NXPE2: variants seen among roughly 807,000 people sequenced by gnomAD.
NXPE2 encodes the protein NXPE family member 2.
Under a neutral mutation model 34.4 loss-of-function variants are expected in NXPE2, and 34 were observed. That is an observed-to-expected ratio of 0.99 (90% confidence interval 0.75 to 1.31). The LOEUF is 1.31. NXPE2 is among the 40% of genes most tolerant of loss of function. The probability of loss-of-function intolerance (pLI) is 0.00; values close to 1 mark genes in which losing one functional copy is unlikely to be tolerated. For missense variants in NXPE2, 649 were observed against 672.5 expected, an observed-to-expected ratio of 0.97 and a Z score of 0.39; for synonymous variants, 235 against 231.3, an observed-to-expected ratio of 1.02 and a Z score of -0.15.
chr11:114,478,631 A>G, the NXPE2 span, among the ~76,000 whole-genome samples: 1 of 152,202 alleles, frequency 6.6e-6, no homozygotes. Flanking sequence ...GTCTCCAAAT[A>G]TAATTTAACT....
chr11:114,627,917 C>A, the NXPE2 span, among the ~76,000 whole-genome samples: 5 of 151,766 alleles, frequency 3.3e-5, no homozygotes, highest in African/African-American at 1.2e-4. Flanking sequence ...TCAAAAGAGA[C>A]AAAGAAGGCC....
intron 2 of NXPE2, among the ~76,000 whole-genome samples, chr11:114,682,731 A>G (rs11215147): frequency 0.24 from 37,063 of 152,116 alleles, 4,676 homozygotes; most frequent in East Asian, 0.42. Context: ...AGTTACCAAA[A>G]GGCAAAAGAG....
chr11:114,508,904 A>G, the NXPE2 span, among the ~76,000 whole-genome samples: 3 of 152,216 alleles, frequency 2.0e-5, no homozygotes, highest in Non-Finnish European at 2.9e-5. Flanking sequence ...AATGGGATCT[A>G]ACTAAACTAA....
chr11:114,774,632 C>T, the NXPE2 span, among the ~76,000 whole-genome samples: 2 of 152,192 alleles, frequency 1.3e-5, no homozygotes, highest in East Asian at 3.9e-4. Flanking sequence ...CTGCGCATGC[C>T]GAGTGTTGTG....
chr11:114,786,872 A>T, the NXPE2 span, among the ~76,000 whole-genome samples: 2 of 152,096 alleles, frequency 1.3e-5, no homozygotes, highest in South Asian at 2.1e-4. Flanking sequence ...TGGTGCACAC[A>T]TACAGCCTCA....
At chr11:114,512,617 A>C in the NXPE2 span, 1 of 152,958 alleles carries the variant, frequency 6.5e-6, no homozygotes, top group Non-Finnish European at 1.5e-5. Context: ...TCGGGAGAAC[A>C]AGGCTGTGAC....
At chr11:114,743,120 G>A in the NXPE2 span, among the ~76,000 whole-genome samples, 3 of 152,106 alleles carry the variant, frequency 2.0e-5, no homozygotes, top group African/African-American at 7.2e-5. Context: ...TAGGCAACAG[G>A]CTTCATTTTC....
rs1951292489 is a variant in NXPE2, at chr11:114,698,091, T to C, written c.179T>C (p.Ile60Thr). ...CATATTATCCTGAACCAAGGGAACATCTTCAAAAAATATTCACACTCTGAA... is the reference window on the plus strand; with the variant it reads ...CATATTATCCTGAACCAAGGGAACACCTTCAAAAAATATTCACACTCTGAA... ...ENHIILNQGN[I>T]FKKYSHSETP... is the part of the protein sequence containing the mutation. The change falls in exon 3 of 6, where the codon ATC (isoleucine) becomes ACC (threonine). Residue 60 changes from isoleucine (I) to threonine (T), a missense_variant. Physicochemically the swap from Ile to Thr is moderately conservative, Grantham distance 89. Coordinates refer to ENST00000389586, the MANE Select transcript of NXPE2 (RefSeq NM_182495.6). The C allele has an allele frequency of 1.9e-6, 3 of 1,602,612 alleles. No homozygotes were observed. The highest frequency in any genetic ancestry group is 2.6e-6 in the Non-Finnish European group (3 of 1,173,698).
intron 3 of NXPE2, among the ~76,000 whole-genome samples, chr11:114,703,375 T>C (rs1951402669): frequency 6.6e-6 from 1 of 152,360 alleles, no homozygotes; most frequent in Admixed American, 6.5e-5. Context: ...CTCAAAGTAA[T>C]GTCCGTAGAC....
the NXPE2 span, among the ~76,000 whole-genome samples, chr11:114,803,583 TC>T: frequency 3.3e-5 from 4 of 122,752 alleles, no homozygotes; most frequent in Admixed American, 2.6e-4. Context: ...TCTCTCTCTC[TC>T]TTTTTTTTTT....
At chr11:114,637,896 A>T in the NXPE2 span, among the ~76,000 whole-genome samples, 1 of 151,666 alleles carries the variant, frequency 6.6e-6, no homozygotes, top group African/African-American at 2.4e-5. Context: ...TGCCCTTAAC[A>T]TTTTTTCCTT....
intron 3 of NXPE2, among the ~76,000 whole-genome samples, chr11:114,699,270 C>G (rs573748047): frequency 6.6e-6 from 1 of 152,168 alleles, no homozygotes; most frequent in African/African-American, 2.4e-5. Flanking sequence ...CTTGTATAAC[C>G]TGCCATCATA....
chr11:114,732,648 T>C, the NXPE2 span, among the ~76,000 whole-genome samples: 1 of 151,668 alleles, frequency 6.6e-6, no homozygotes, highest in African/African-American at 2.4e-5. Context: ...CCTTGGACTT[T>C]AAACAATTTT....
chr11:114,719,218 G>A, the NXPE2 span, among the ~76,000 whole-genome samples: 1 of 152,044 alleles, frequency 6.6e-6, no homozygotes, highest in Non-Finnish European at 1.5e-5. Flanking sequence ...AAATAATAAT[G>A]CCCCTCCACT....
At chr11:114,701,847 A>G (rs1951370930) in intron 3 of NXPE2, among the ~76,000 whole-genome samples, 1 of 152,334 alleles carries the variant, frequency 6.6e-6, no homozygotes, top group East Asian at 1.9e-4. Flanking sequence ...TATAATATTC[A>G]CAGGATGCAA....
At chr11:114,540,274 A>T in the NXPE2 span, among the ~76,000 whole-genome samples, 1 of 152,210 alleles carries the variant, frequency 6.6e-6, no homozygotes, top group African/African-American at 2.4e-5. Flanking sequence ...CAATTTGTTT[A>T]GGAGACTGGA....
At chr11:114,482,912 C>T in the NXPE2 span, among the ~76,000 whole-genome samples, 6 of 152,142 alleles carry the variant, frequency 3.9e-5, no homozygotes, top group East Asian at 1.2e-3. Context: ...TGTAATTTCT[C>T]ATCATTGGAT....
At chr11:114,620,688 ACT>A in the NXPE2 span, among the ~76,000 whole-genome samples, 1 of 150,386 alleles carries the variant, frequency 6.6e-6, no homozygotes, top group Non-Finnish European at 1.5e-5. Flanking sequence ...CCAGGTAACC[ACT>A]GTTACCTGGT....
chr11:114,737,659 T>A, the NXPE2 span, among the ~76,000 whole-genome samples: 1 of 152,106 alleles, frequency 6.6e-6, no homozygotes, highest in Non-Finnish European at 1.5e-5. Context: ...GTCACAGACA[T>A]CCATTGAGCA....
Sources: gnomAD v4.1 joint callset for allele counts (sites outside exome capture counted in the v4.1 genomes callset) on GRCh38, gnomAD v4.1.1 for gene constraint, MANE v1.5 for transcripts, NCBI Gene and HGNC (gene_info 2026-07-23, HGNC 2026-07-21) for gene names.